Variants in FRMD5 observed in about 807,000 individuals in gnomAD.
The protein encoded by FRMD5 is FERM domain containing 5, also known as FERM domain-containing protein 5.
Under a neutral mutation model 69.0 loss-of-function variants are expected in FRMD5, and 20 were observed. The ratio of observed to expected loss-of-function variants is 0.29; its 90% CI spans 0.20 to 0.42. The LOEUF is 0.42. Among genes scored for constraint, FRMD5 ranks in the 10% least tolerant of loss-of-function variants. FRMD5 has a pLI of 1.00. For synonymous variants in FRMD5, 271 were observed against 260.1 expected, an observed-to-expected ratio of 1.04 and a Z score of -0.40; for missense variants, 595 against 708.6, an observed-to-expected ratio of 0.84 and a Z score of 1.82.
intron 1 of FRMD5, among the ~76,000 whole-genome samples, chr15:43,974,329 T>A (rs1328881191): frequency 6.6e-6 from 1 of 152,220 alleles, no homozygotes; most frequent in Non-Finnish European, 1.5e-5. Flanking sequence ...CAGAAATTTC[T>A]GAATGCCAAT....
intron 1 of FRMD5, among the ~76,000 whole-genome samples, chr15:44,053,658 C>T (rs550455978): frequency 8.5e-5 from 13 of 152,092 alleles, no homozygotes; most frequent in South Asian, 8.3e-4. Context: ...ATCAGATGGA[C>T]GATGGATGAT....
At chr15:44,149,950 G>A (rs1305531416) in intron 1 of FRMD5, among the ~76,000 whole-genome samples, 1 of 151,996 alleles carries the variant, frequency 6.6e-6, no homozygotes, top group Non-Finnish European at 1.5e-5. Context: ...ATAGCAAAAG[G>A]ATTATACAAC....
intron 1 of FRMD5, among the ~76,000 whole-genome samples, chr15:44,144,923 T>C (rs1042577542): frequency 1.3e-5 from 2 of 152,156 alleles, no homozygotes; most frequent in African/African-American, 2.4e-5. Context: ...GTATGCAGGA[T>C]AGGAGAAGAA....
At chr15:43,882,213 A>G (rs935264726) in intron 13 of FRMD5, among the ~76,000 whole-genome samples, 8 of 152,182 alleles carry the variant, frequency 5.3e-5, no homozygotes, top group African/African-American at 1.7e-4. Flanking sequence ...GGCCTCAGCT[A>G]TTGGGGTATC....
At chr15:43,965,800 G>A (rs190465464) in intron 1 of FRMD5, among the ~76,000 whole-genome samples, 1 of 151,686 alleles carries the variant, frequency 6.6e-6, no homozygotes, top group Non-Finnish European at 1.5e-5. Flanking sequence ...GGCTGGTCTC[G>A]AACTCCTGAC....
chr15:44,009,785 T>C (rs1417833164), intron 1 of FRMD5, among the ~76,000 whole-genome samples: 1 of 152,178 alleles, frequency 6.6e-6, no homozygotes, highest in African/African-American at 2.4e-5. Context: ...GAGAACAGGC[T>C]GCTAAGAGCT....
intron 1 of FRMD5, among the ~76,000 whole-genome samples, chr15:44,095,878 A>G (rs754874617): frequency 4.1e-4 from 62 of 152,066 alleles, no homozygotes; most frequent in Non-Finnish European, 6.6e-4. Context: ...TCCATCCTTA[A>G]CAGACTCCAG....
intron 1 of FRMD5, among the ~76,000 whole-genome samples, chr15:43,978,816 T>C (rs1232765018): frequency 6.6e-6 from 1 of 152,140 alleles, no homozygotes; most frequent in Non-Finnish European, 1.5e-5. Flanking sequence ...CTTCCCAAAG[T>C]GCTGGGATGA....
chr15:44,180,141 G>A (rs1388739568), intron 1 of FRMD5, among the ~76,000 whole-genome samples: 1 of 150,736 alleles, frequency 6.6e-6, no homozygotes, highest in Non-Finnish European at 1.5e-5. Context: ...CCAGCTTCCC[G>A]ACTTACTACT....
chr15:43,879,381 T>C (rs1326077724), intron 13 of FRMD5: 1 of 397,640 alleles, frequency 2.5e-6, no homozygotes. Context: ...TTCACTGCTG[T>C]AAAAGCCACC....
chr15:44,044,517 A>G (rs1389586637), intron 1 of FRMD5, among the ~76,000 whole-genome samples: 1 of 152,196 alleles, frequency 6.6e-6, no homozygotes, highest in Non-Finnish European at 1.5e-5. Flanking sequence ...ACCAACCCAA[A>G]TGTCCATCAA....
In FRMD5 at chr15:43,888,247, G is replaced by C; in HGVS notation, c.812C>G (p.Thr271Arg). ...SQKEEKKIIL[T>R]YFAPTPEACK... ...CGCTTCAGGAGTTGGAGCAAAATAT[G>C]TAAGAATAATTTTCTTTTCCTGCAA... Residue 271 changes from threonine (T) to arginine (R), a missense_variant, in exon 10 of 14, where the codon ACA becomes AGA. Around this residue, in one of 5 missense-constraint regions of FRMD5, gnomAD observed 176 missense variants for 266.3 expected, o/e 0.66. Coordinates refer to ENST00000417257, the MANE Select transcript of FRMD5 (RefSeq NM_032892.5). 1 of 1,613,528 alleles carries C rather than the reference G, an allele frequency of 6.2e-7. No individual in the cohort carries two copies. The highest frequency in any genetic ancestry group is 2.2e-5 in the East Asian group (1 of 44,884).
At chr15:44,089,115 G>T (rs1269867982) in intron 1 of FRMD5, among the ~76,000 whole-genome samples, 1 of 152,182 alleles carries the variant, frequency 6.6e-6, no homozygotes, top group Non-Finnish European at 1.5e-5. Context: ...ATAATAGAAA[G>T]AATTTATCAG....
At chr15:44,133,232 A>T (rs2077129899) in intron 1 of FRMD5, among the ~76,000 whole-genome samples, 1 of 151,602 alleles carries the variant, frequency 6.6e-6, no homozygotes. Flanking sequence ...AATCAAAACA[A>T]AACAAAAAAA....
At chr15:43,996,223 A>T (rs1889917286) in intron 1 of FRMD5, among the ~76,000 whole-genome samples, 1 of 152,078 alleles carries the variant, frequency 6.6e-6, no homozygotes, top group Admixed American at 6.5e-5. Flanking sequence ...GGGCTGCAGG[A>T]TCTAGCTTGG....
At chr15:43,882,031 C>G (rs1812412637) in intron 13 of FRMD5, among the ~76,000 whole-genome samples, 1 of 152,158 alleles carries the variant, frequency 6.6e-6, no homozygotes, top group Non-Finnish European at 1.5e-5. Flanking sequence ...TCTGCTGTTT[C>G]CCGCTGTGTG....
intron 6 of FRMD5, 139 bp downstream of exon 6, chr15:43,905,689 A>G: frequency 1.9e-6 from 2 of 1,026,308 alleles, no homozygotes; most frequent in Non-Finnish European, 2.9e-6. Context: ...TGACAATGGT[A>G]CATCCGCGGT....
At chr15:43,960,130 CCAGGCTGGAGTGCAGTGGCA>C (rs2090173802) in intron 1 of FRMD5, among the ~76,000 whole-genome samples, 1 of 152,136 alleles carries the variant, frequency 6.6e-6, no homozygotes, top group Admixed American at 6.5e-5. Context: ...GCTCTGTCGC[CCAGGCTGGAGTGCAGTGGCA>C]CAATCTCGGC....
intron 1 of FRMD5, among the ~76,000 whole-genome samples, chr15:44,123,331 T>G: frequency 9.4e-6 from 1 of 106,850 alleles, no homozygotes; most frequent in Admixed American, 1.2e-4. Context: ...GTGACAAGAG[T>G]GAAACTCCAT....
Sources: allele counts gnomAD v4.1 joint callset (sites outside exome capture counted in the v4.1 genomes callset), GRCh38; gene constraint gnomAD v4.1.1; regional missense constraint gnomAD v4.1.1; transcripts MANE v1.5; gene names NCBI Gene and HGNC (gene_info 2026-07-23, HGNC 2026-07-21).